MYO16: variants seen among roughly 807,000 people sequenced by gnomAD.
MYO16 encodes the protein unconventional myosin-XVI.
MYO16 carries 94 observed loss-of-function variants against 205.3 expected under a neutral mutation model. The observed-to-expected ratio is 0.46, with a 90% CI of 0.39 to 0.54. MYO16 has a LOEUF of 0.54. Ranked by LOEUF, MYO16 falls within the 20% of genes least tolerant of loss-of-function variation. The probability of loss-of-function intolerance (pLI) is 0.00; values close to 1 mark genes in which losing one functional copy is unlikely to be tolerated. For synonymous variants in MYO16, 988 were observed against 954.0 expected, an observed-to-expected ratio of 1.04 and a Z score of -0.66; for missense variants, 2,315 against 2,387.5, an observed-to-expected ratio of 0.97 and a Z score of 0.63.
At chr13:108,837,866 G>A (rs1471462731) in intron 9 of MYO16, among the ~76,000 whole-genome samples, 2 of 152,142 alleles carry the variant, frequency 1.3e-5, no homozygotes, top group Non-Finnish European at 2.9e-5. Context: ...TCTACTTGGT[G>A]ATTTTTTTTG....
intron 3 of MYO16, among the ~76,000 whole-genome samples, chr13:108,726,455 A>G (rs1884339758): frequency 6.6e-6 from 1 of 151,708 alleles, no homozygotes; most frequent in African/African-American, 2.4e-5. Flanking sequence ...GCTACTCAGG[A>G]GGCTGAGGCA....
At chr13:109,164,853 C>A in intron 32 of MYO16, 48 bp from the exon 33 acceptor site, 2 of 1,111,676 alleles carry the variant, frequency 1.8e-6, no homozygotes, top group South Asian at 1.6e-5. Context: ...TCAGTATATT[C>A]AGTACATGTT....
chr13:108,744,377 C>T (rs1884996971), intron 4 of MYO16, among the ~76,000 whole-genome samples: 1 of 152,174 alleles, frequency 6.6e-6, no homozygotes, highest in Non-Finnish European at 1.5e-5. Flanking sequence ...TGTTTTCAGT[C>T]ATTCTATAAG....
At chr13:108,956,122 G>C (rs1161434212) in intron 16 of MYO16, among the ~76,000 whole-genome samples, 1 of 152,158 alleles carries the variant, frequency 6.6e-6, no homozygotes. Flanking sequence ...GTAATTTAAA[G>C]TCAATATGTC....
chr13:108,965,339 C>G (rs372998543), intron 20 of MYO16, among the ~76,000 whole-genome samples: 1 of 152,158 alleles, frequency 6.6e-6, no homozygotes, highest in Non-Finnish European at 1.5e-5. Context: ...TATTTCTTCA[C>G]TTATTTCGTG....
chr13:108,568,721 A>T, the MYO16 span, among the ~76,000 whole-genome samples: 29 of 151,910 alleles, frequency 1.9e-4, no homozygotes, highest in Middle Eastern at 3.4e-3. Flanking sequence ...TATTATTATT[A>T]TTTTTTGCTA....
At chr13:109,150,834 CT>C (rs1377388633) in intron 32 of MYO16, among the ~76,000 whole-genome samples, 1 of 152,220 alleles carries the variant, frequency 6.6e-6, no homozygotes, top group East Asian at 1.9e-4. Context: ...TAAACTCCCA[CT>C]GGGGGCTCTA....
intron 23 of MYO16, among the ~76,000 whole-genome samples, chr13:109,022,111 TTA>T (rs1195138808): frequency 6.9e-6 from 1 of 144,380 alleles, no homozygotes; most frequent in Admixed American, 7.2e-5. Flanking sequence ...TAAAACATAT[TTA>T]TATATACAAA....
At chr13:108,657,281 G>C (rs1477260808) in intron 1 of MYO16, among the ~76,000 whole-genome samples, 1 of 152,058 alleles carries the variant, frequency 6.6e-6, no homozygotes, top group Non-Finnish European at 1.5e-5. Context: ...TCTGTGTTCT[G>C]TTCCACTGGT....
intron 4 of MYO16, among the ~76,000 whole-genome samples, chr13:108,776,849 G>A (rs72668534): frequency 0.033 from 5,094 of 152,232 alleles, 244 homozygotes; most frequent in East Asian, 0.24. Flanking sequence ...CCAAGGTCAC[G>A]TGACTGTTAA....
intron 4 of MYO16, among the ~76,000 whole-genome samples, chr13:108,745,737 TCAGA>T (rs1400751707): frequency 2.6e-5 from 4 of 152,030 alleles, no homozygotes; most frequent in African/African-American, 9.7e-5. Context: ...ATTAAAATTA[TCAGA>T]CAGGAGATTT....
At chr13:109,107,172 T>C (rs1313014710) in intron 28 of MYO16, among the ~76,000 whole-genome samples, 1 of 152,130 alleles carries the variant, frequency 6.6e-6, no homozygotes. Flanking sequence ...CAAAGGGTAC[T>C]CAACAAAAAA....
At chr13:108,987,565 T>A (rs1274350317) in intron 20 of MYO16, among the ~76,000 whole-genome samples, 1 of 152,248 alleles carries the variant, frequency 6.6e-6, no homozygotes, top group East Asian at 1.9e-4. Flanking sequence ...GCTCGGCATC[T>A]CCAGGGACTT....
chr13:108,886,511 G>A (rs1204841183), intron 13 of MYO16: 2 of 456,018 alleles, frequency 4.4e-6, no homozygotes, highest in South Asian at 1.5e-5. Flanking sequence ...TCAGCAGAGA[G>A]GGGTCCTGAA....
intron 16 of MYO16, among the ~76,000 whole-genome samples, chr13:108,952,499 G>A (rs1883195810): frequency 1.3e-5 from 2 of 152,268 alleles, no homozygotes; most frequent in South Asian, 4.2e-4. Flanking sequence ...TGGAGGAAGT[G>A]CCTCAAAAAC....
At chr13:108,613,037 T>G (rs569121794) in intron 1 of MYO16, among the ~76,000 whole-genome samples, 9 of 152,056 alleles carry the variant, frequency 5.9e-5, no homozygotes, top group Non-Finnish European at 4.4e-5. Context: ...AGACAAAAAG[T>G]AAAGCTAAGT....
At chr13:109,047,458 A>G (rs1245600108) in intron 24 of MYO16, among the ~76,000 whole-genome samples, 3 of 152,128 alleles carry the variant, frequency 2.0e-5, no homozygotes, top group Admixed American at 2.0e-4. Flanking sequence ...GAGTATATAT[A>G]TGTATACACA....
chr13:109,007,104 G>C (rs907271865), intron 21 of MYO16, among the ~76,000 whole-genome samples: 1 of 151,972 alleles, frequency 6.6e-6, no homozygotes, highest in Admixed American at 6.6e-5. Context: ...TGTGCACACT[G>C]CTAGCCAGGG....
chr13:108,938,727 C>T (rs1299271519), intron 16 of MYO16, among the ~76,000 whole-genome samples: 1 of 152,232 alleles, frequency 6.6e-6, no homozygotes, highest in Non-Finnish European at 1.5e-5. Context: ...AGGCATGGAG[C>T]AGAGAGGATC....
Sources: allele counts gnomAD v4.1 joint callset (sites outside exome capture counted in the v4.1 genomes callset), GRCh38; gene constraint gnomAD v4.1.1; transcripts MANE v1.5; gene names NCBI Gene and HGNC (gene_info 2026-07-23, HGNC 2026-07-21).